The following STARD7 variants were observed in gnomAD, a reference collection of about 807,000 sequenced individuals.
STARD7 encodes StAR related lipid transfer domain containing 7, also known as stAR-related lipid transfer protein 7, mitochondrial.
In STARD7, 30 loss-of-function variants were observed where a neutral mutation model predicts 45.3. That is an observed-to-expected ratio of 0.66 (90% CI 0.50 to 0.90). STARD7 has a LOEUF of 0.90. Ranked by LOEUF, STARD7 falls within the 40% of genes least tolerant of loss-of-function variation. The pLI, the probability that STARD7 is intolerant of heterozygous loss-of-function variation, is 0.00. For missense variants in STARD7, 495 were observed against 491.3 expected, an observed-to-expected ratio of 1.01 and a Z score of -0.07; for synonymous variants, 199 against 183.0, an observed-to-expected ratio of 1.09 and a Z score of -0.70.
chr2:96,186,542 C>T lies in STARD7; in HGVS notation c.*188G>A. 1 of 447,810 alleles carries T rather than the reference C, an allele frequency of 2.2e-6. No individual in the cohort carries two copies. 27.7% of individuals were successfully genotyped at this position (447,810 alleles called of 1,614,324 possible). A position where few individuals can be genotyped will look rare whatever the true frequency, so the allele number is the denominator to read the frequency against. On this transcript the variant is annotated 3_prime_UTR_variant, in exon 8 of 8. Transcript: ENST00000337288. ...TATGACAACACTCCCACAAATGTAG[C>T]CTTCTTCTGTTTTGATAAGAGCAAT... is the stretch of plus-strand genomic sequence containing the variant.
Position 96,195,527 on chromosome 2 carries a change from A to G in STARD7, c.313T>C (p.Leu105=). ...TGAAACATATTTGACATTTCTTCCA[A>G]CCGCTTCATCTCATTAATAGATCTG... The part of the protein sequence containing the change: ...LQRSINEMKR[L]EEMSNMFQSS... The change falls in exon 2 of 8, where the codon TTG becomes CTG. Residue 105 remains leucine, a synonymous_variant. Transcript: ENST00000337288. 1 of 1,613,426 alleles carries G rather than the reference A, an allele frequency of 6.2e-7. No homozygotes were observed. The highest frequency in any genetic ancestry group is 2.2e-5 in the East Asian group (1 of 44,872).
chr2:96,193,458 G>C, intron 3 of STARD7, 106 bp from the exon 4 acceptor site: 1 of 760,994 alleles, frequency 1.3e-6, no homozygotes, highest in Non-Finnish European at 2.3e-6. Flanking sequence ...ATTACAAGGA[G>C]AGAGTAATCT....
At chr2:96,194,909 C>T in intron 3 of STARD7, 49 bp downstream of exon 3, 1 of 1,481,770 alleles carries the variant, frequency 6.7e-7, no homozygotes, top group African/African-American at 1.4e-5. Context: ...TAGACAGTAG[C>T]AATTGATATG....
At chr2:96,206,256 A>C (rs1683387353) in intron 1 of STARD7, among the ~76,000 whole-genome samples, 1 of 152,128 alleles carries the variant, frequency 6.6e-6, no homozygotes. Flanking sequence ...TCCAGGATCT[A>C]TTAATATCAT....
At chr2:96,198,989 A>T (rs1456857869) in intron 1 of STARD7, among the ~76,000 whole-genome samples, 1 of 152,136 alleles carries the variant, frequency 6.6e-6, no homozygotes, top group Non-Finnish European at 1.5e-5. Flanking sequence ...ACTGACCAAA[A>T]ATGTAAAGGT....
intron 1 of STARD7, among the ~76,000 whole-genome samples, chr2:96,200,673 T>G (rs1683291582): frequency 6.6e-6 from 1 of 152,226 alleles, no homozygotes; most frequent in African/African-American, 2.4e-5. Flanking sequence ...ACTTGGCTTG[T>G]ATTTTTCCCA....
At chr2:96,199,299 C>G (rs2104196679) in intron 1 of STARD7, among the ~76,000 whole-genome samples, 1 of 152,316 alleles carries the variant, frequency 6.6e-6, no homozygotes, top group East Asian at 1.9e-4. Context: ...GTGTTCTAAT[C>G]TAATCCATGA....
chr2:96,197,043 G>A (rs1366721370), intron 1 of STARD7, among the ~76,000 whole-genome samples: 2 of 123,870 alleles, frequency 1.6e-5, no homozygotes. Context: ...TCTAGCCTGG[G>A]CAACAAGAGC....
Position 96,208,519 on chromosome 2 carries a change from C to A in STARD7, c.-85G>T, listed in dbSNP as rs1683444654. The stretch of plus-strand genomic sequence containing the variant: ...CGCAGGCGGTGGTCGCAGCGTCCCC[C>A]TAAATGGCCGGCCACGAACCCGTCT... On this transcript the variant is annotated 5_prime_UTR_variant, in exon 1 of 8. In the 5' UTR this introduces an upstream ATG that the reference lacks. Coordinates refer to ENST00000337288, the MANE Select transcript of STARD7 (RefSeq NM_020151.4). The A allele has an allele frequency of 3.2e-6, 4 of 1,231,674 alleles. No homozygotes were observed. The East Asian group carries it at 1.3e-4, about 39-fold the overall frequency. The allele number at this position is 1,231,674 out of a possible 1,614,324, so 76.3% of individuals were successfully genotyped here. A position where few individuals can be genotyped will look rare whatever the true frequency, so the allele number is the denominator to read the frequency against.
In STARD7 at chr2:96,192,258, G is replaced by A. The variant is rs79133185; in HGVS notation, c.843+111C>T. 301 of 867,232 alleles carry A rather than the reference G, an allele frequency of 3.5e-4. 3 individuals carry two copies. In the African/African-American group the frequency reaches 4.0e-3, roughly 11 times the overall value. 53.7% of individuals were successfully genotyped at this position (867,232 alleles called of 1,614,324 possible). Reference sequence around the variant, plus strand: ...CAGACCAGTAGCATCAGACTCCCCCGAGCGAGAACTGTTCCTGCGCCACAC... The same window carrying A: ...CAGACCAGTAGCATCAGACTCCCCCAAGCGAGAACTGTTCCTGCGCCACAC... On this transcript the variant is annotated intron_variant, in intron 6 of 7. Transcript: ENST00000337288.
intron 1 of STARD7, among the ~76,000 whole-genome samples, chr2:96,199,786 T>C (rs1309524725): frequency 1.3e-5 from 2 of 152,234 alleles, no homozygotes; most frequent in African/African-American, 4.8e-5. Context: ...CACTGTTAGC[T>C]ATGTTTTTTG....
At chr2:96,194,029 G>A (rs898434724) in intron 3 of STARD7, among the ~76,000 whole-genome samples, 1 of 152,204 alleles carries the variant, frequency 6.6e-6, no homozygotes, top group African/African-American at 2.4e-5. Flanking sequence ...CTACAAGGAG[G>A]AAAGCAGTCT....
rs148778899 is a variant in STARD7 at position 96,193,097 on chromosome 2, T to C, written c.724A>G (p.Met242Val). The change falls in exon 5 of 8, where the codon ATG (methionine) becomes GTG (valine). Residue 242 changes from methionine to valine, a missense_variant. Physicochemically the swap from Met to Val is conservative, Grantham distance 21. This residue lies in a region of STARD7 where 213 missense variants were observed against 271.2 expected (regional missense o/e 0.79). Coordinates refer to ENST00000337288, the MANE Select transcript of STARD7 (RefSeq NM_020151.4). ...RRYSVDQENN[M>V]MVLVSRAVEH... ...ACATACCGCGACACCAACACCATCATGTTGTTTTCCTGATCCACACTATAC... is the reference window on the plus strand; with the variant it reads ...ACATACCGCGACACCAACACCATCACGTTGTTTTCCTGATCCACACTATAC... 3 of 1,613,268 alleles carry C rather than the reference T, an allele frequency of 1.9e-6. No individual in the cohort carries two copies. Among genetic ancestry groups the C allele is most frequent in the African/African-American group, 1.3e-5 (1 of 74,844 alleles).
At chr2:96,193,736 A>G in intron 3 of STARD7, among the ~76,000 whole-genome samples, 1 of 152,266 alleles carries the variant, frequency 6.6e-6, no homozygotes, top group East Asian at 1.9e-4. Flanking sequence ...ACACACAAAA[A>G]TGCAAGCAGC....
In STARD7 at chr2:96,208,459, G is replaced by A. The variant is rs546899636; in HGVS notation, c.-25C>T. 2.3e-4 allele frequency: 309 copies of A among 1,357,662 alleles called. No homozygotes were observed. Among genetic ancestry groups the A allele is most frequent in the Admixed American group, 6.2e-4 (15 of 24,354 alleles). 84.1% of individuals were successfully genotyped at this position (1,357,662 alleles called of 1,614,324 possible). ...TGCCGCCTCCCGCAGGGCCCGCCGC[G>A]AGCTTCCGGGGCCCAAGGAACCAGT... On this transcript the variant is annotated 5_prime_UTR_variant, in exon 1 of 8. Coordinates refer to ENST00000337288, the MANE Select transcript of STARD7 (RefSeq NM_020151.4).
intron 1 of STARD7, among the ~76,000 whole-genome samples, chr2:96,201,843 C>T (rs1193755951): frequency 6.6e-6 from 1 of 152,036 alleles, no homozygotes; most frequent in African/African-American, 2.4e-5. Context: ...GCCAAAAATT[C>T]AAAGGTATAG....
chr2:96,186,701 C>A lies in STARD7; in HGVS notation c.*29G>T. ...TAACGGACTGAGACAGGGCTAGAAG[C>A]ACCTTGTCCCTTCTTATCCCAAAGC... On this transcript the variant is annotated 3_prime_UTR_variant, in exon 8 of 8. Transcript: ENST00000337288. 6.4e-7 allele frequency: 1 copy of A among 1,561,152 alleles called. No individual in the cohort carries two copies. The highest frequency in any genetic ancestry group is 8.7e-7 in the Non-Finnish European group (1 of 1,148,658).
Position 96,208,322 on chromosome 2 carries a change from G to GCGCGCCGCA in STARD7, c.104_112dup (p.Val35_Arg37dup). The GCGCGCCGCA allele has an allele frequency of 6.2e-7, 1 of 1,605,760 alleles. No homozygotes were observed. Among genetic ancestry groups the GCGCGCCGCA allele is most frequent in the Non-Finnish European group, 8.5e-7 (1 of 1,178,076 alleles). On this transcript the variant is annotated inframe_insertion, in exon 1 of 8. Coordinates refer to ENST00000337288, the MANE Select transcript of STARD7 (RefSeq NM_020151.4). ...GCCGTAGAGCTGCGCGATCTGCTGC[G>GCGCGCCGCA]CGCGCCGCACGCGCAGGCCCGTGAC...
rs774581450 is a variant in STARD7 at position 96,195,353 on chromosome 2, A to G, written c.487T>C (p.Tyr163His). ...ACACTGGGCTCACCTCGGTACTGGT[A>G]AAGGTGGGTGCCTGTAATTGGGCGC... Reference protein sequence around the residue: ...WRRPITGTHLYQYRVFGTYTD... With the variant: ...WRRPITGTHLHQYRVFGTYTD... Residue 163 changes from tyrosine to histidine, a missense_variant, in exon 2 of 8, where the codon TAC (tyrosine) becomes CAC (histidine). Tyr to His is a moderately conservative substitution (Grantham distance 83). Around this residue, in one of 2 missense-constraint regions of STARD7, gnomAD observed 213 missense variants for 271.2 expected, o/e 0.79. Coordinates refer to ENST00000337288, the MANE Select transcript of STARD7 (RefSeq NM_020151.4). The G allele has an allele frequency of 6.4e-6, 10 of 1,574,144 alleles. No homozygotes were observed. The highest frequency in any genetic ancestry group is 8.6e-6 in the Non-Finnish European group (10 of 1,159,672).
Sources: allele counts gnomAD v4.1 joint callset (sites outside exome capture counted in the v4.1 genomes callset), GRCh38; gene constraint gnomAD v4.1.1; regional missense constraint gnomAD v4.1.1; transcripts MANE v1.5; gene names NCBI Gene and HGNC (gene_info 2026-07-23, HGNC 2026-07-21).